The following GCH1 variants were observed in gnomAD, a reference collection of about 807,000 sequenced individuals.
GCH1 encodes the protein GTP cyclohydrolase 1.
Under a neutral mutation model 25.9 loss-of-function variants are expected in GCH1, and 5 were observed. The observed-to-expected ratio is 0.19, with a 90% CI of 0.10 to 0.41. The LOEUF (loss-of-function observed/expected upper bound fraction) is 0.41. Among genes scored for constraint, GCH1 ranks in the 10% least tolerant of loss-of-function variants. The pLI is 1.00. For synonymous variants in GCH1, 159 were observed against 129.6 expected, an observed-to-expected ratio of 1.23 and a Z score of -1.54; for missense variants, 261 against 336.5, an observed-to-expected ratio of 0.78 and a Z score of 1.75.
intron 3 of GCH1, among the ~76,000 whole-genome samples, chr14:54,856,923 G>A (rs909427511): frequency 2.0e-4 from 31 of 152,248 alleles, no homozygotes; most frequent in African/African-American, 6.7e-4. Context: ...CTTGATATTT[G>A]ACTTCACTGG....
intron 3 of GCH1, among the ~76,000 whole-genome samples, chr14:54,849,555 G>A (rs1214939398): frequency 6.6e-6 from 1 of 152,078 alleles, no homozygotes; most frequent in Non-Finnish European, 1.5e-5. Flanking sequence ...AGTATATACT[G>A]CAATTTACTA....
chr14:54,852,236 C>T (rs1275329373), intron 3 of GCH1, among the ~76,000 whole-genome samples: 1 of 152,234 alleles, frequency 6.6e-6, no homozygotes, highest in Non-Finnish European at 1.5e-5. Context: ...TTTCTGGTCA[C>T]AAAAACGTCA....
intron 4 of GCH1, 50 bp from the exon 5 acceptor site, chr14:54,845,902 G>T: frequency 2.0e-6 from 2 of 996,702 alleles, no homozygotes; most frequent in South Asian, 2.5e-5. Context: ...CAAACAGCTG[G>T]AAGCTTTTTC....
At chr14:54,872,602 C>T (rs1280133704) in intron 1 of GCH1, among the ~76,000 whole-genome samples, 1 of 152,096 alleles carries the variant, frequency 6.6e-6, no homozygotes, top group Admixed American at 6.6e-5. Context: ...TCAGGAAACC[C>T]ATCTCACGTG....
At chr14:54,897,020 T>G (rs920296491) in intron 1 of GCH1, among the ~76,000 whole-genome samples, 6 of 139,648 alleles carry the variant, frequency 4.3e-5, no homozygotes, top group South Asian at 4.8e-4. Flanking sequence ...GTTTTTTTTT[T>G]TTTTTTTTGA....
chr14:54,884,912 C>T (rs943537774), intron 1 of GCH1: 3 of 157,262 alleles, frequency 1.9e-5, no homozygotes, highest in African/African-American at 7.2e-5. Context: ...TGGTGCAACA[C>T]ACTGCTCAAT....
At chr14:54,855,792 C>G (rs1455213069) in intron 3 of GCH1, among the ~76,000 whole-genome samples, 1 of 151,874 alleles carries the variant, frequency 6.6e-6, no homozygotes, top group African/African-American at 2.4e-5. Context: ...CCAGCCTGGC[C>G]GACAAAGCAA....
At chr14:54,888,354 G>A (rs1161783564) in intron 1 of GCH1, among the ~76,000 whole-genome samples, 3 of 151,992 alleles carry the variant, frequency 2.0e-5, no homozygotes, top group Admixed American at 6.6e-5. Flanking sequence ...CAGAGACCTC[G>A]GCATGACAAT....
At chr14:54,891,715 T>C (rs868265086) in intron 1 of GCH1, among the ~76,000 whole-genome samples, 3 of 152,110 alleles carry the variant, frequency 2.0e-5, no homozygotes, top group African/African-American at 4.8e-5. Flanking sequence ...CAGCCAACAA[T>C]TCATAAGTTT....
chr14:54,854,520 CA>C (rs143289311), intron 3 of GCH1, among the ~76,000 whole-genome samples: 166 of 145,934 alleles, frequency 1.1e-3, no homozygotes, highest in Middle Eastern at 3.5e-3. Context: ...ATACAAGTAC[CA>C]AAAAAAAAAG....
intron 1 of GCH1, among the ~76,000 whole-genome samples, chr14:54,867,735 G>C (rs1345974967): frequency 6.6e-6 from 1 of 152,042 alleles, no homozygotes; most frequent in Non-Finnish European, 1.5e-5. Context: ...GGATTAAATG[G>C]GCACATGTGT....
At chr14:54,875,962 A>G (rs1449147320) in intron 1 of GCH1, among the ~76,000 whole-genome samples, 4 of 152,340 alleles carry the variant, frequency 2.6e-5, no homozygotes, top group South Asian at 4.1e-4. Flanking sequence ...ATCTAGAACT[A>G]GAAATACCAT....
At chr14:54,877,041 C>A (rs1258023077) in intron 1 of GCH1, among the ~76,000 whole-genome samples, 3 of 152,124 alleles carry the variant, frequency 2.0e-5, no homozygotes, top group African/African-American at 7.2e-5. Context: ...TTGCCTATGC[C>A]CCATTTTATT....
intron 3 of GCH1, chr14:54,859,378 G>T: frequency 2.4e-6 from 1 of 410,748 alleles, no homozygotes. Context: ...GATGGGGCTG[G>T]ACTGAAGGTA....
intron 2 of GCH1, among the ~76,000 whole-genome samples, chr14:54,862,613 G>GTTTT (rs35880039): frequency 9.5e-6 from 1 of 105,786 alleles, no homozygotes; most frequent in Admixed American, 1.1e-4. Context: ...TTTTTGGTTG[G>GTTTT]TTTTTTTTTT....
chr14:54,897,383 G>T (rs1433209815), intron 1 of GCH1, among the ~76,000 whole-genome samples: 2 of 150,958 alleles, frequency 1.3e-5, no homozygotes, highest in East Asian at 3.9e-4. Context: ...CCGCCTCCTG[G>T]GTTCAAGCAA....
chr14:54,891,102 T>TTTTG (rs10645822), intron 1 of GCH1, among the ~76,000 whole-genome samples: 33,505 of 151,812 alleles, frequency 0.22, 4,639 homozygotes, highest in African/African-American at 0.39. Context: ...CATAAGGTTT[T>TTTTG]TTTGTTTGTT....
chr14:54,849,168 C>A (rs2039688543), intron 3 of GCH1, among the ~76,000 whole-genome samples: 1 of 152,328 alleles, frequency 6.6e-6, no homozygotes, highest in East Asian at 1.9e-4. Flanking sequence ...GGAACATTCC[C>A]ATAGATTTTT....
chr14:54,898,096 T>G (rs1325493258), intron 1 of GCH1, among the ~76,000 whole-genome samples: 3 of 152,194 alleles, frequency 2.0e-5, no homozygotes, highest in Non-Finnish European at 2.9e-5. Context: ...TAAAGATATG[T>G]AGGCCAGGTG....
Sources: allele counts gnomAD v4.1 joint callset (sites outside exome capture counted in the v4.1 genomes callset), GRCh38; gene constraint gnomAD v4.1.1; transcripts MANE v1.5; gene names NCBI Gene and HGNC (gene_info 2026-07-23, HGNC 2026-07-21).